Variants in FGF13 observed in about 807,000 individuals in gnomAD.
FGF13 encodes fibroblast growth factor 13.
A neutral mutation model predicts 19.5 loss-of-function variants in FGF13; 2 were observed. That is an observed-to-expected ratio of 0.10 (90% CI 0.04 to 0.32). The LOEUF (loss-of-function observed/expected upper bound fraction) is 0.32. Among genes scored for constraint, FGF13 ranks in the 10% least tolerant of loss-of-function variants. The probability of loss-of-function intolerance (pLI) is 1.00; values close to 1 mark genes in which losing one functional copy is unlikely to be tolerated. For missense variants in FGF13, 113 were observed against 192.7 expected, an observed-to-expected ratio of 0.59 and a Z score of 2.45; for synonymous variants, 72 against 76.9, an observed-to-expected ratio of 0.94 and a Z score of 0.33.
At chrX:138,861,829 C>T (rs993572459) in intron 2 of FGF13, among the ~76,000 whole-genome samples, 3 of 110,503 alleles carry the variant, frequency 2.7e-5, no homozygotes, top group Non-Finnish European at 5.7e-5. Context: ...ATGGCAAAAC[C>T]CTATCTCTAC....
chrX:138,745,493 C>A lies in FGF13; in HGVS notation c.218-36565G>T, dbSNP rs2090349065. Among the ~76,000 whole-genome samples, 3 of 112,022 alleles carry A rather than the reference C, an allele frequency of 2.7e-5. No individual in the cohort carries two copies. The Admixed American group carries it at 2.8e-4, about 11-fold the overall frequency. ...CATGCTAATCCTCCCAACAACAAGG[C>A]ACCAACCCCGGCTTCAACAATTTCT... On this transcript the variant is annotated intron_variant, in intron 3 of 6. Coordinates refer to the FGF13 transcript ENST00000436198.
intron 3 of FGF13, among the ~76,000 whole-genome samples, chrX:138,750,822 G>T (rs1346242252): frequency 9.0e-6 from 1 of 110,988 alleles, no homozygotes; most frequent in African/African-American, 3.3e-5. Context: ...CATGGCGGGG[G>T]TGTGGAGATG....
At chrX:138,842,211 C>T (rs1043314569) in intron 3 of FGF13, among the ~76,000 whole-genome samples, 2 of 110,918 alleles carry the variant, frequency 1.8e-5, no homozygotes, top group Admixed American at 9.6e-5. Flanking sequence ...TTTTCATATA[C>T]AGAGTTTTCA....
chrX:139,204,142 G>C (rs2084443687), upstream of FGF13: 6 of 1,184,158 alleles, frequency 5.1e-6, no homozygotes, highest in South Asian at 5.3e-5. Flanking sequence ...TCGCTCAGAA[G>C]ACGGAAGTCC....
chrX:139,004,972 C>T (rs1166164139), intron 1 of FGF13, among the ~76,000 whole-genome samples: 1 of 112,166 alleles, frequency 8.9e-6, no homozygotes, highest in Admixed American at 9.4e-5. Context: ...CACCTCTGGA[C>T]CTGACCAGGG....
At chrX:138,790,279 T>G (rs755724970) in intron 3 of FGF13, among the ~76,000 whole-genome samples, 2 of 108,118 alleles carry the variant, frequency 1.8e-5, no homozygotes, top group African/African-American at 6.7e-5. Flanking sequence ...CCTCTTCTCA[T>G]AAAGGCATTA....
intron 1 of FGF13, among the ~76,000 whole-genome samples, chrX:138,961,090 G>A (rs1327276563): frequency 1.8e-5 from 2 of 110,825 alleles, no homozygotes; most frequent in African/African-American, 6.6e-5. Context: ...GAGAAGAGGT[G>A]CTCGGTTTTT....
chrX:139,111,734 C>G (rs2083603767), intron 1 of FGF13, among the ~76,000 whole-genome samples: 1 of 111,757 alleles, frequency 8.9e-6, no homozygotes, highest in East Asian at 2.8e-4. Flanking sequence ...AGAAACAAAA[C>G]ATAACACCCA....
At chrX:138,896,960 T>C (rs1421445712) in intron 1 of FGF13, among the ~76,000 whole-genome samples, 1 of 110,771 alleles carries the variant, frequency 9.0e-6, no homozygotes, top group African/African-American at 3.3e-5. Context: ...GTTCCGGGGG[T>C]GGGAACACGG....
At chrX:139,004,024 C>T (rs1051212320) in intron 1 of FGF13, among the ~76,000 whole-genome samples, 25 of 112,365 alleles carry the variant, frequency 2.2e-4, no homozygotes, top group African/African-American at 7.1e-4. Context: ...GCCGTGCACT[C>T]GCATTCCTTG....
chrX:138,809,921 C>T (rs1024983368), intron 3 of FGF13, among the ~76,000 whole-genome samples: 7 of 111,371 alleles, frequency 6.3e-5, no homozygotes, highest in Non-Finnish European at 1.1e-4. Flanking sequence ...GAACTACAAA[C>T]CCCTGCTCAA....
At chrX:138,751,650 T>G (rs906907519) in intron 3 of FGF13, among the ~76,000 whole-genome samples, 21 of 111,881 alleles carry the variant, frequency 1.9e-4, no homozygotes, top group Admixed American at 1.9e-4. Flanking sequence ...CAGAAAATTA[T>G]GTTCACAGGC....
chrX:138,673,520 G>A (rs962671433), intron 3 of FGF13, among the ~76,000 whole-genome samples: 1 of 111,528 alleles, frequency 9.0e-6, no homozygotes, highest in African/African-American at 3.3e-5. Flanking sequence ...ATGTTGGGTG[G>A]ACCCAGTTTT....
intron 1 of FGF13, among the ~76,000 whole-genome samples, chrX:138,993,170 G>C (rs953049301): frequency 2.7e-5 from 3 of 112,002 alleles, no homozygotes; most frequent in Non-Finnish European, 5.6e-5. Flanking sequence ...GACTAGAAGA[G>C]ACTAAGGAGA....
intron 1 of FGF13, among the ~76,000 whole-genome samples, chrX:139,095,679 T>C (rs779596173): frequency 8.9e-6 from 1 of 112,140 alleles, no homozygotes; most frequent in Non-Finnish European, 1.9e-5. Flanking sequence ...GAAGATTACA[T>C]GTGACTTGGC....
chrX:138,955,785 C>T (rs1397296600), intron 1 of FGF13, among the ~76,000 whole-genome samples: 1 of 112,243 alleles, frequency 8.9e-6, no homozygotes, highest in Non-Finnish European at 1.9e-5. Context: ...AAACATCAGT[C>T]TTCAACTCAG....
intron 3 of FGF13, among the ~76,000 whole-genome samples, chrX:138,776,564 T>C (rs1469275402): frequency 8.9e-6 from 1 of 111,996 alleles, no homozygotes; most frequent in African/African-American, 3.2e-5. Flanking sequence ...GCAACTGGGG[T>C]TCATAACCAA....
chrX:139,131,382 GGTGTGTGTGTGTGTGT>G lies in FGF13; in HGVS notation c.-113+72018_-113+72033del, dbSNP rs10541863. Among the ~76,000 whole-genome samples the G allele has an allele frequency of 2.3e-3, 213 of 91,441 alleles. 1 individual carries two copies. Among genetic ancestry groups the G allele is most frequent in the African/African-American group, 5.6e-3 (141 of 25,206 alleles). The allele number at this position is 91,441 out of a possible 115,157, so 79.4% of individuals were successfully genotyped here. On this transcript the variant is annotated intron_variant, in intron 1 of 2. Coordinates refer to the FGF13 transcript ENST00000421460. ...TGTTGTATGGATTAGAATATAGAGG[GGTGTGTGTGTGTGTGT>G]GTGTGTGTGTGTGTGTGTGTGTGTG... is the stretch of plus-strand genomic sequence containing the variant.
At chrX:139,073,500 T>C (rs2092383392) in intron 1 of FGF13, among the ~76,000 whole-genome samples, 1 of 111,775 alleles carries the variant, frequency 8.9e-6, no homozygotes, top group African/African-American at 3.3e-5. Context: ...CTCTTTTCCC[T>C]TTCTTAAGGT....
Sources: gnomAD v4.1 joint callset for allele counts (sites outside exome capture counted in the v4.1 genomes callset) on GRCh38, gnomAD v4.1.1 for gene constraint, MANE v1.5 for transcripts, NCBI Gene and HGNC (gene_info 2026-07-23, HGNC 2026-07-21) for gene names.